CAPN2: variants seen among roughly 807,000 people sequenced by gnomAD.
CAPN2 encodes calpain-2 catalytic subunit.
Under a neutral mutation model 102.3 loss-of-function variants are expected in CAPN2, and 92 were observed. The ratio of observed to expected loss-of-function variants is 0.90; its 90% CI spans 0.76 to 1.07. The LOEUF (loss-of-function observed/expected upper bound fraction) is 1.07, where lower values mean the gene tolerates loss of function less well. Ranked by LOEUF, CAPN2 falls within the 50% of genes least tolerant of loss-of-function variation. The probability of loss-of-function intolerance (pLI) is 0.00; values close to 1 mark genes in which losing one functional copy is unlikely to be tolerated. For synonymous variants in CAPN2, 340 were observed against 355.4 expected, an observed-to-expected ratio of 0.96 and a Z score of 0.49; for missense variants, 800 against 909.4, an observed-to-expected ratio of 0.88 and a Z score of 1.55.
rs866414325 is a variant in CAPN2, at chr1:223,763,827, C to T, written c.1633-323C>T. Reference sequence around the variant, plus strand: ...CAGTGGCTCACACCTGTAATCCCAGCACTTTGGGAGGCTGAGGCTGGAGGA... The same window carrying T: ...CAGTGGCTCACACCTGTAATCCCAGTACTTTGGGAGGCTGAGGCTGGAGGA... On this transcript the variant is annotated intron_variant, in intron 14 of 20. Coordinates refer to ENST00000295006, the MANE Select transcript of CAPN2 (RefSeq NM_001748.5). 4.6e-5 allele frequency among the ~76,000 whole-genome samples: 7 copies of T among 152,324 alleles called. No homozygotes were observed. The Middle Eastern group carries it at 0.01, about 222-fold the overall frequency.
chr1:223,732,617 A>G (rs914106545), intron 2 of CAPN2, among the ~76,000 whole-genome samples: 4 of 152,076 alleles, frequency 2.6e-5, no homozygotes, highest in African/African-American at 9.7e-5. Context: ...TATGACCTGT[A>G]TCTTGTGCCG....
chr1:223,761,665 G>T (rs768230964), intron 13 of CAPN2, 48 bp downstream of exon 13: 1 of 1,467,530 alleles, frequency 6.8e-7, no homozygotes, highest in Non-Finnish European at 9.4e-7. Flanking sequence ...GGACAATCCA[G>T]AGAGCAGAGG....
chr1:223,712,197 T>A (rs1659746187), upstream of CAPN2: 1 of 152,782 alleles, frequency 6.5e-6, no homozygotes, highest in South Asian at 2.1e-4. Context: ...TTTCCTCGAC[T>A]TCACTACCTG....
intron 14 of CAPN2, among the ~76,000 whole-genome samples, chr1:223,763,463 G>A (rs961147087): frequency 6.6e-6 from 1 of 152,224 alleles, no homozygotes; most frequent in African/African-American, 2.4e-5. Context: ...AATCAATCTT[G>A]GTTTTAAACA....
chr1:223,723,531 C>A (rs920743364), intron 2 of CAPN2, among the ~76,000 whole-genome samples: 1 of 152,090 alleles, frequency 6.6e-6, no homozygotes, highest in African/African-American at 2.4e-5. Flanking sequence ...CCCTCGGCTT[C>A]TCTTCTGGTT....
chr1:223,718,799 C>T (rs1659952463), intron 2 of CAPN2, among the ~76,000 whole-genome samples: 1 of 152,212 alleles, frequency 6.6e-6, no homozygotes, highest in South Asian at 2.1e-4. Flanking sequence ...CAGCTGATAA[C>T]AGCTAATATG....
At chr1:223,709,731 G>C (rs1160444463), upstream of CAPN2, among the ~76,000 whole-genome samples, 2 of 151,870 alleles carry the variant, frequency 1.3e-5, no homozygotes, top group Non-Finnish European at 2.9e-5. Flanking sequence ...CTGGTTCAAA[G>C]GAGAAACCAA....
intron 2 of CAPN2, among the ~76,000 whole-genome samples, chr1:223,734,672 C>T (rs1177011417): frequency 6.6e-6 from 1 of 152,192 alleles, no homozygotes; most frequent in East Asian, 1.9e-4. Flanking sequence ...GAGGACAAGA[C>T]TGCCAAATGT....
rs1380972024 is a variant in CAPN2 at position 223,727,325 on chromosome 1, T to C, written c.307+9494T>C. Among the ~76,000 whole-genome samples the C allele has an allele frequency of 6.6e-6, 1 of 152,200 alleles. No homozygotes were observed. The highest frequency in any genetic ancestry group is 1.5e-5 in the Non-Finnish European group (1 of 68,028). On this transcript the variant is annotated intron_variant, in intron 2 of 20. Transcript: ENST00000295006. This position sits in a 1 kb window ranked among gnomAD's most constrained non-coding sequence, Gnocchi z 4.1. Reference sequence around the variant, plus strand: ...GCACAACTGACTGGATAATTGTTCATTGTAGGGGGCTGTCCTGTGAATTAT... The same window carrying C: ...GCACAACTGACTGGATAATTGTTCACTGTAGGGGGCTGTCCTGTGAATTAT...
chr1:223,766,317 G>A (rs759409001), intron 15 of CAPN2, 50 bp from the exon 16 acceptor site: 2 of 1,352,198 alleles, frequency 1.5e-6, no homozygotes, highest in African/African-American at 1.4e-5. Flanking sequence ...AAGTTCAGTT[G>A]GACATCACCG....
intron 2 of CAPN2, among the ~76,000 whole-genome samples, chr1:223,734,922 T>C (rs1660413265): frequency 6.6e-6 from 1 of 152,120 alleles, no homozygotes; most frequent in Admixed American, 6.5e-5. Flanking sequence ...ACAGTCAGGA[T>C]TTGAACTCCA....
intron 2 of CAPN2, among the ~76,000 whole-genome samples, chr1:223,728,185 C>T (rs1660246695): frequency 6.6e-6 from 1 of 152,150 alleles, no homozygotes; most frequent in South Asian, 2.1e-4. Context: ...ATTTTGTTCT[C>T]TCTCATGGTT....
chr1:223,722,261 TTC>T (rs1660068208), intron 2 of CAPN2, among the ~76,000 whole-genome samples: 2 of 149,794 alleles, frequency 1.3e-5, no homozygotes, highest in South Asian at 4.2e-4. Flanking sequence ...TTCTTTTCCT[TTC>T]TTTCTTTTTC....
intron 7 of CAPN2, among the ~76,000 whole-genome samples, chr1:223,751,306 G>A (rs1055957677): frequency 6.6e-6 from 1 of 152,170 alleles, no homozygotes; most frequent in Non-Finnish European, 1.5e-5. Context: ...CCTTCCCCCA[G>A]GCACTTCTAT....
rs1660152811 is a variant in CAPN2, at chr1:223,725,025, C to T, written c.307+7194C>T. 6.6e-6 allele frequency among the ~76,000 whole-genome samples: 1 copy of T among 152,108 alleles called. No homozygotes were observed. The highest frequency in any genetic ancestry group is 6.5e-5 in the Admixed American group (1 of 15,268). ...TAAACATCTGTAAATATCAGGGTAG[C>T]GAATGAGGACTTGGTGTCTGGCAGT... On this transcript the variant is annotated intron_variant, in intron 2 of 20. Transcript: ENST00000295006. This position sits in a 1 kb window ranked among gnomAD's most constrained non-coding sequence, Gnocchi z 4.1.
At chr1:223,765,635 G>A (rs1437354655) in intron 15 of CAPN2, among the ~76,000 whole-genome samples, 1 of 135,716 alleles carries the variant, frequency 7.4e-6, no homozygotes, top group Non-Finnish European at 1.6e-5. Context: ...CTAGCTGCCT[G>A]CTGACTCCAG....
rs760841046 is a variant in CAPN2 at position 223,764,154 on chromosome 1, C to T, written c.1637C>T (p.Ala546Val). ...RLFAQLAGED[A>V]EISAFELQTI... Reference sequence around the variant, plus strand: ...GCTCTGGTTATGTGTCCACAGGATGCGGAGATCTCTGCCTTTGAGCTGCAG... The same window carrying T: ...GCTCTGGTTATGTGTCCACAGGATGTGGAGATCTCTGCCTTTGAGCTGCAG... The change falls in exon 15 of 21, where the codon GCG (alanine) becomes GTG (valine). Residue 546 changes from alanine to valine, a missense_variant. By Grantham distance (64) the Ala-to-Val change is moderately conservative (BLOSUM62 0). Transcript: ENST00000295006. The T allele has an allele frequency of 1.1e-5, 18 of 1,613,312 alleles. No individual in the cohort carries two copies. The highest frequency in any genetic ancestry group is 6.7e-5 in the Admixed American group (4 of 60,010).
At chr1:223,752,697 GC>G (rs1660932977) in intron 8 of CAPN2, 98 bp from the exon 9 acceptor site, 1 of 1,149,394 alleles carries the variant, frequency 8.7e-7, no homozygotes, top group Admixed American at 1.9e-5. Flanking sequence ...GAGCTGCTCT[GC>G]CTGGCTTTGG....
At chr1:223,747,614 T>C (rs1305662804) in intron 5 of CAPN2, among the ~76,000 whole-genome samples, 1 of 152,208 alleles carries the variant, frequency 6.6e-6, no homozygotes, top group Non-Finnish European at 1.5e-5. Context: ...CTAGCCATGT[T>C]GACAGACTTG....
Sources: gnomAD v4.1 joint callset for allele counts (sites outside exome capture counted in the v4.1 genomes callset) on GRCh38, gnomAD v4.1.1 for gene constraint, Gnocchi (gnomAD v3.1) non-coding constraint, MANE v1.5 for transcripts, NCBI Gene and HGNC (gene_info 2026-07-23, HGNC 2026-07-21) for gene names.